Variants in TFCP2L1 observed in about 807,000 individuals in gnomAD.
TFCP2L1 encodes the protein transcription factor CP2 like 1, also known as transcription factor CP2-like protein 1.
Under a neutral mutation model 72.2 loss-of-function variants are expected in TFCP2L1, and 12 were observed. That is an observed-to-expected ratio of 0.17 (90% CI 0.11 to 0.27). The LOEUF is 0.27. TFCP2L1 is among the 10% of genes least tolerant of loss of function. The pLI is 1.00. For missense variants in TFCP2L1, 488 were observed against 624.6 expected, an observed-to-expected ratio of 0.78 and a Z score of 2.33; for synonymous variants, 260 against 251.0, an observed-to-expected ratio of 1.04 and a Z score of -0.34.
chr2:121,232,870 A>G (rs1686173637), intron 12 of TFCP2L1, among the ~76,000 whole-genome samples: 1 of 152,096 alleles, frequency 6.6e-6, no homozygotes, highest in Non-Finnish European at 1.5e-5. Context: ...GGCAGGAGCA[A>G]ATGCCACCGG....
intron 6 of TFCP2L1, among the ~76,000 whole-genome samples, chr2:121,243,157 T>G (rs1475626081): frequency 6.6e-6 from 1 of 152,238 alleles, no homozygotes; most frequent in Non-Finnish European, 1.5e-5. Context: ...TCGACCTTGC[T>G]ATGTAGTCTC....
chr2:121,267,333 G>C (rs999750140), intron 2 of TFCP2L1, among the ~76,000 whole-genome samples: 1 of 152,070 alleles, frequency 6.6e-6, no homozygotes, highest in Non-Finnish European at 1.5e-5. Context: ...CTATAAGCAT[G>C]AACCACCACA....
chr2:121,236,254 C>T (rs1393106406), intron 10 of TFCP2L1, among the ~76,000 whole-genome samples: 9 of 152,156 alleles, frequency 5.9e-5, no homozygotes, highest in Admixed American at 3.3e-4. Context: ...GCGTGTCTGC[C>T]GGGTCTAGCC....
intron 2 of TFCP2L1, among the ~76,000 whole-genome samples, chr2:121,277,996 T>C (rs889351627): frequency 5.3e-5 from 8 of 151,608 alleles, no homozygotes; most frequent in Non-Finnish European, 8.8e-5. Context: ...TAACATGAGA[T>C]GATGAGACCA....
chr2:121,245,392 T>A (rs1473665249), intron 6 of TFCP2L1, among the ~76,000 whole-genome samples: 1 of 151,792 alleles, frequency 6.6e-6, no homozygotes, highest in African/African-American at 2.4e-5. Flanking sequence ...ATGCACAGAG[T>A]TTTTAGTCAT....
chr2:121,225,274 CA>C (rs1686006129), intron 14 of TFCP2L1, among the ~76,000 whole-genome samples: 1 of 152,150 alleles, frequency 6.6e-6, no homozygotes, highest in Admixed American at 6.5e-5. Context: ...GGCTGTATTC[CA>C]GGCTTGATCT....
intron 2 of TFCP2L1, among the ~76,000 whole-genome samples, chr2:121,280,626 C>T (rs763075378): frequency 4.0e-5 from 6 of 151,504 alleles, no homozygotes; most frequent in African/African-American, 7.3e-5. Flanking sequence ...CCGGGCATGG[C>T]GGTCTACACC....
rs751094350 is a variant in TFCP2L1 at position 121,224,367 on chromosome 2, G to A, written c.1414C>T (p.His472Tyr). The change falls in exon 15 of 15, where the codon CAC (histidine) becomes TAC (tyrosine). Residue 472 changes from histidine (H) to tyrosine (Y), a missense_variant. By Grantham distance (83) the His-to-Tyr change is moderately conservative. This residue lies in a region of TFCP2L1 where 286 missense variants were observed against 329.0 expected (regional missense o/e 0.87). Coordinates refer to ENST00000263707, the MANE Select transcript of TFCP2L1 (RefSeq NM_014553.3). ...TIKAESNDGY[H>Y]IILKCGL ...CAGAGTCCACATTTCAGGATGATGT[G>A]GTAGCCATCATTGCTCTCAGCTGCA... 1 of 1,614,006 alleles carries A rather than the reference G, an allele frequency of 6.2e-7. No individual in the cohort carries two copies. Among genetic ancestry groups the A allele is most frequent in the Non-Finnish European group, 8.5e-7 (1 of 1,180,008 alleles).
chr2:121,282,792 C>T (rs1219558898), intron 1 of TFCP2L1, among the ~76,000 whole-genome samples: 1 of 152,156 alleles, frequency 6.6e-6, no homozygotes, highest in Non-Finnish European at 1.5e-5. Flanking sequence ...ACAATCTGTT[C>T]CTCGCACATC....
intron 13 of TFCP2L1, among the ~76,000 whole-genome samples, chr2:121,226,253 G>A (rs1686030909): frequency 6.6e-6 from 1 of 151,782 alleles, no homozygotes; most frequent in South Asian, 2.1e-4. Context: ...CAGAATCAAG[G>A]TGTGACATGA....
chr2:121,282,349 G>C (rs34221390), intron 1 of TFCP2L1, among the ~76,000 whole-genome samples: 10,809 of 135,208 alleles, frequency 0.08, 507 homozygotes, highest in African/African-American at 0.14. Flanking sequence ...AAAAAATGAA[G>C]TCATCATCCT....
intron 2 of TFCP2L1, among the ~76,000 whole-genome samples, chr2:121,280,589 C>G (rs555305804): frequency 2.0e-5 from 3 of 151,944 alleles, no homozygotes; most frequent in Non-Finnish European, 2.9e-5. Flanking sequence ...GAGACCCCCC[C>G]AGCTCTACAA....
intron 2 of TFCP2L1, among the ~76,000 whole-genome samples, chr2:121,272,689 C>G (rs949683878): frequency 6.6e-6 from 1 of 152,190 alleles, no homozygotes; most frequent in African/African-American, 2.4e-5. Context: ...TGGCGAGATG[C>G]TTCCTCTTTA....
intron 2 of TFCP2L1, among the ~76,000 whole-genome samples, chr2:121,269,635 G>A (rs1320836346): frequency 1.3e-5 from 2 of 151,768 alleles, no homozygotes; most frequent in East Asian, 1.9e-4. Flanking sequence ...AAAAGAGGCC[G>A]GGCCTGGTGG....
chr2:121,242,082 TCA>T (rs1491345436), intron 7 of TFCP2L1, among the ~76,000 whole-genome samples: 1 of 34,284 alleles, frequency 2.9e-5, no homozygotes, highest in African/African-American at 2.2e-4. Flanking sequence ...CATTACCTAC[TCA>T]AAAAAAAAAA....
At chr2:121,249,788 G>T in intron 2 of TFCP2L1, 141 bp from the exon 3 acceptor site, 1 of 774,008 alleles carries the variant, frequency 1.3e-6, no homozygotes, top group Non-Finnish European at 2.1e-6. Flanking sequence ...GAAAACCCAC[G>T]ACCAGCTCAG....
intron 2 of TFCP2L1, among the ~76,000 whole-genome samples, chr2:121,273,905 C>A (rs1687093582): frequency 6.6e-6 from 1 of 152,022 alleles, no homozygotes; most frequent in African/African-American, 2.4e-5. Flanking sequence ...CCAGCCTGGC[C>A]AACATGGCTA....
At chr2:121,248,895 G>T in intron 4 of TFCP2L1, 87 bp downstream of exon 4, 2 of 1,090,208 alleles carry the variant, frequency 1.8e-6, no homozygotes, top group Non-Finnish European at 2.6e-6. Flanking sequence ...CGCCTTCTCG[G>T]CATAGGTCCG....
rs1466722441 is a variant in TFCP2L1 at position 121,246,764 on chromosome 2, G to C, written c.657+54C>G. 2.5e-6 allele frequency: 4 copies of C among 1,606,120 alleles called. No homozygotes were observed. The African/African-American group carries it at 5.3e-5, about 21-fold the overall frequency. ...CTCCAGGGTCTCTGTGGGCGAATGT[G>C]ACCACAGGCCAGGCCAGCAGCAGGG... is the stretch of plus-strand genomic sequence containing the variant. On this transcript the variant is annotated intron_variant, in intron 6 of 14. Coordinates refer to ENST00000263707, the MANE Select transcript of TFCP2L1 (RefSeq NM_014553.3).
Sources: gnomAD v4.1 joint callset for allele counts (sites outside exome capture counted in the v4.1 genomes callset) on GRCh38, gnomAD v4.1.1 for gene constraint, gnomAD v4.1.1 regional missense constraint, MANE v1.5 for transcripts, NCBI Gene and HGNC (gene_info 2026-07-23, HGNC 2026-07-21) for gene names.